The following EEF1E1 variants were observed in gnomAD, a reference collection of about 807,000 sequenced individuals.
EEF1E1 encodes the protein eukaryotic translation elongation factor 1 epsilon-1.
In EEF1E1, 19 loss-of-function variants were observed where a neutral mutation model predicts 19.9. The observed-to-expected ratio is 0.95, with a 90% CI of 0.66 to 1.40. The LOEUF (loss-of-function observed/expected upper bound fraction) is 1.40, where lower values mean the gene tolerates loss of function less well. Among genes scored for constraint, EEF1E1 ranks in the 40% most tolerant of loss-of-function variants. The pLI, the probability that EEF1E1 is intolerant of heterozygous loss-of-function variation, is 0.00. For synonymous variants in EEF1E1, 81 were observed against 80.0 expected, an observed-to-expected ratio of 1.01 and a Z score of -0.07; for missense variants, 198 against 202.2, an observed-to-expected ratio of 0.98 and a Z score of 0.13.
At chr6:8,085,030 T>C (rs146600558) in intron 3 of EEF1E1, among the ~76,000 whole-genome samples, 131 of 152,370 alleles carry the variant, frequency 8.6e-4, no homozygotes, top group African/African-American at 3.1e-3. Context: ...GTAATCAATG[T>C]ACTTCAGCTC....
At chr6:8,077,425 T>C (rs2113631887), downstream of EEF1E1, among the ~76,000 whole-genome samples, 1 of 152,208 alleles carries the variant, frequency 6.6e-6, no homozygotes, top group East Asian at 1.9e-4. Context: ...GCATCTTCTG[T>C]TAATAGGCTG....
intron 1 of EEF1E1, 113 bp downstream of exon 1, chr6:8,102,322 G>C: frequency 8.9e-7 from 1 of 1,128,316 alleles, no homozygotes; most frequent in Non-Finnish European, 1.2e-6. Flanking sequence ...TGGGGAGCTG[G>C]GTAGCAGCAT....
intron 1 of EEF1E1, among the ~76,000 whole-genome samples, chr6:8,101,410 T>C (rs1439753285): frequency 6.7e-6 from 1 of 150,172 alleles, no homozygotes; most frequent in Non-Finnish European, 1.5e-5. Flanking sequence ...GACGGAATTA[T>C]CACTGGGGCA....
chr6:8,092,856 G>C lies in EEF1E1; in HGVS notation c.289-2575C>G, dbSNP rs1758050714. Among the ~76,000 whole-genome samples, 10 of 143,326 alleles carry C rather than the reference G, an allele frequency of 7.0e-5. No individual in the cohort carries two copies. The Admixed American group carries it at 7.1e-4, about 10-fold the overall frequency. 94.0% of individuals were successfully genotyped at this position (143,326 alleles called of 152,430 possible). A position where few individuals can be genotyped will look rare whatever the true frequency, so the allele number is the denominator to read the frequency against. ...ATCTATATCCGTGTTTTGTGTTTTAGTGATAAAGACTGCTTTTTTTTTTTT... is the reference window on the plus strand; with the variant it reads ...ATCTATATCCGTGTTTTGTGTTTTACTGATAAAGACTGCTTTTTTTTTTTT... On this transcript the variant is annotated intron_variant, in intron 2 of 3. Coordinates refer to ENST00000379715, the MANE Select transcript of EEF1E1 (RefSeq NM_004280.5).
chr6:8,101,962 T>G, intron 1 of EEF1E1: 1 of 1,251,356 alleles, frequency 8.0e-7, no homozygotes, highest in Admixed American at 2.4e-5. Context: ...GCAAGCTGCC[T>G]GAGAGGAGGA....
intron 3 of EEF1E1, among the ~76,000 whole-genome samples, chr6:8,086,120 G>A (rs1471368596): frequency 6.6e-6 from 1 of 151,982 alleles, no homozygotes; most frequent in Non-Finnish European, 1.5e-5. Context: ...GGATCTTTGA[G>A]GAACAATTCA....
chr6:8,092,500 A>G (rs2113655998), intron 2 of EEF1E1, among the ~76,000 whole-genome samples: 1 of 152,358 alleles, frequency 6.6e-6, no homozygotes. Context: ...TCAAAATGGT[A>G]TATGAATATG....
chr6:8,074,352 C>T (rs901620084), intron 3 of EEF1E1, among the ~76,000 whole-genome samples: 1 of 152,126 alleles, frequency 6.6e-6, no homozygotes, highest in African/African-American at 2.4e-5. Context: ...TCAGTCAGCT[C>T]AAAAGGAATG....
chr6:8,080,067 A>T lies in EEF1E1; in HGVS notation c.385-37T>A, dbSNP rs757436701. 7.5e-6 allele frequency: 12 copies of T among 1,603,418 alleles called. No homozygotes were observed. The East Asian group carries it at 2.7e-4, about 36-fold the overall frequency. On this transcript the variant is annotated intron_variant, in intron 3 of 3. Coordinates refer to ENST00000379715, the MANE Select transcript of EEF1E1 (RefSeq NM_004280.5). ...TTAAAAACATACACACACAACACAG[A>T]TGTTACATAAGCACAACTGTTAATA... is the stretch of plus-strand genomic sequence containing the variant.
chr6:8,102,008 A>G (rs2113673839), intron 1 of EEF1E1: 1 of 1,224,318 alleles, frequency 8.2e-7, no homozygotes, highest in Non-Finnish European at 1.0e-6. Context: ...TATTCCCCAG[A>G]CCCAGCACGG....
intron 1 of EEF1E1, among the ~76,000 whole-genome samples, chr6:8,098,712 C>A (rs990810604): frequency 6.6e-6 from 1 of 152,062 alleles, no homozygotes; most frequent in Non-Finnish European, 1.5e-5. Context: ...CGAAGGGTGC[C>A]AGTAATGTTC....
chr6:8,081,620 C>T (rs1238604290), intron 3 of EEF1E1, among the ~76,000 whole-genome samples: 1 of 151,846 alleles, frequency 6.6e-6, no homozygotes, highest in Non-Finnish European at 1.5e-5. Flanking sequence ...AAATCTTTAC[C>T]ATATATAAAC....
At chr6:8,082,600 C>T (rs1487063039) in intron 3 of EEF1E1, among the ~76,000 whole-genome samples, 1 of 152,182 alleles carries the variant, frequency 6.6e-6, no homozygotes, top group Non-Finnish European at 1.5e-5. Context: ...TAATTTTTAA[C>T]TAGATGATCC....
chr6:8,094,395 G>A (rs557577934), intron 2 of EEF1E1, among the ~76,000 whole-genome samples: 1 of 151,608 alleles, frequency 6.6e-6, no homozygotes, highest in Non-Finnish European at 1.5e-5. Context: ...TTAGGAATTC[G>A]AGATCAGCCT....
intron 3 of EEF1E1, among the ~76,000 whole-genome samples, chr6:8,086,617 C>T (rs1162388980): frequency 6.6e-6 from 1 of 152,118 alleles, no homozygotes. Context: ...GAAAGTTTGG[C>T]CCTTCCAAAA....
chr6:8,101,898 AC>A, intron 1 of EEF1E1: 1 of 1,249,944 alleles, frequency 8.0e-7, no homozygotes, highest in Non-Finnish European at 1.0e-6. Context: ...TTATGGTGCA[AC>A]GTGGCACTCT....
chr6:8,085,317 G>C (rs907897958), intron 3 of EEF1E1, among the ~76,000 whole-genome samples: 1 of 143,434 alleles, frequency 7.0e-6, no homozygotes, highest in African/African-American at 2.6e-5. Context: ...CCTGGTTAAT[G>C]GTTTTTTTTT....
intron 3 of EEF1E1, among the ~76,000 whole-genome samples, chr6:8,088,051 C>T (rs896167033): frequency 1.3e-5 from 2 of 151,926 alleles, no homozygotes; most frequent in Non-Finnish European, 2.9e-5. Flanking sequence ...AAAGAAAACA[C>T]TTGACCTCTC....
At chr6:8,094,667 T>C (rs1339800578) in intron 2 of EEF1E1, among the ~76,000 whole-genome samples, 1 of 152,152 alleles carries the variant, frequency 6.6e-6, no homozygotes, top group South Asian at 2.1e-4. Context: ...ATAATTTAAA[T>C]TGTGGTACAA....
Sources: gnomAD v4.1 joint callset for allele counts (sites outside exome capture counted in the v4.1 genomes callset) on GRCh38, gnomAD v4.1.1 for gene constraint, MANE v1.5 for transcripts, NCBI Gene and HGNC (gene_info 2026-07-23, HGNC 2026-07-21) for gene names.